The following NRXN3 variants were observed in gnomAD, a reference collection of about 807,000 sequenced individuals.
The protein encoded by NRXN3 is neurexin III.
NRXN3 carries 32 observed loss-of-function variants against 137.6 expected under a neutral mutation model. That is an observed-to-expected ratio of 0.23 (90% CI 0.18 to 0.31). NRXN3 has a LOEUF of 0.31. Among genes scored for constraint, NRXN3 ranks in the 10% least tolerant of loss-of-function variants. NRXN3 has a pLI of 1.00. For missense variants in NRXN3, 1,574 were observed against 2,062.5 expected, an observed-to-expected ratio of 0.76 and a Z score of 4.59; for synonymous variants, 798 against 784.5, an observed-to-expected ratio of 1.02 and a Z score of -0.29.
chr14:78,599,356 G>C (rs955249670), intron 4 of NRXN3, among the ~76,000 whole-genome samples: 1 of 152,216 alleles, frequency 6.6e-6, no homozygotes, highest in Non-Finnish European at 1.5e-5. Flanking sequence ...ATGCTTTATA[G>C]CGTGTTGCAT....
intron 15 of NRXN3, among the ~76,000 whole-genome samples, chr14:79,222,505 G>A (rs531245219): frequency 2.4e-4 from 36 of 152,056 alleles, no homozygotes; most frequent in African/African-American, 8.0e-4. Context: ...AGATTTTTGT[G>A]TGAATATAAG....
chr14:79,621,450 C>T lies in NRXN3; in HGVS notation c.3445-42328C>T, dbSNP rs73327943. ...GGAGAAAAGTGATAACTTTATGAGT[C>T]CTTTGCCAGACATAAGTGATAGGGT... On this transcript the variant is annotated intron_variant, in intron 16 of 20. Coordinates refer to ENST00000335750, the MANE Select transcript of NRXN3 (RefSeq NM_001330195.2). 2.4e-3 allele frequency among the ~76,000 whole-genome samples: 373 copies of T among 152,256 alleles called. 1 individual carries two copies. The highest frequency in any genetic ancestry group is 4.2e-3 in the Non-Finnish European group (289 of 68,006).
At chr14:79,654,342 C>A (rs927901625) in intron 16 of NRXN3, among the ~76,000 whole-genome samples, 10 of 151,202 alleles carry the variant, frequency 6.6e-5, no homozygotes, top group Non-Finnish European at 1.5e-4. Context: ...AAAAAAAAAA[C>A]TTAAAAAAAA....
intron 16 of NRXN3, among the ~76,000 whole-genome samples, chr14:79,552,113 A>G (rs1211855548): frequency 6.6e-6 from 1 of 152,198 alleles, no homozygotes; most frequent in Admixed American, 6.5e-5. Context: ...TGTATTTACA[A>G]ATACACATTG....
At chr14:79,618,626 C>A in intron 16 of NRXN3, among the ~76,000 whole-genome samples, 1 of 152,132 alleles carries the variant, frequency 6.6e-6, no homozygotes, top group South Asian at 2.1e-4. Context: ...GATTCTATGT[C>A]TTTGCTATTG....
intron 15 of NRXN3, among the ~76,000 whole-genome samples, chr14:79,054,548 G>T (rs1484278106): frequency 6.6e-6 from 1 of 152,178 alleles, no homozygotes; most frequent in Admixed American, 6.5e-5. Context: ...CTCTGTGCAA[G>T]GAGTCCTACT....
At chr14:79,435,628 AC>A (rs1395515713) in intron 15 of NRXN3, among the ~76,000 whole-genome samples, 3 of 151,300 alleles carry the variant, frequency 2.0e-5, no homozygotes, top group African/African-American at 7.3e-5. Flanking sequence ...ACACACACAC[AC>A]ATACATTCTT....
rs757712972 is a variant in NRXN3 at position 79,276,709 on chromosome 14, T to TAA, written c.3263-190495_3263-190494dup. Among the ~76,000 whole-genome samples, 753 of 122,026 alleles carry TAA rather than the reference T, an allele frequency of 6.2e-3. 8 individuals are homozygous for TAA. The highest frequency in any genetic ancestry group is 0.021 in the African/African-American group (701 of 32,832). 80.1% of individuals were successfully genotyped at this position (122,026 alleles called of 152,430 possible). A position where few individuals can be genotyped will look rare whatever the true frequency, so the allele number is the denominator to read the frequency against. ...GCAGTCTCCAATGCTCAATGCCAAT[T>TAA]AAAAAAAAAAAAAAAAAAGAAAAAC... On this transcript the variant is annotated intron_variant, in intron 15 of 20. Transcript: ENST00000335750.
At chr14:78,733,053 G>A (rs2098523949) in intron 8 of NRXN3, among the ~76,000 whole-genome samples, 1 of 152,056 alleles carries the variant, frequency 6.6e-6, no homozygotes, top group Non-Finnish European at 1.5e-5. Flanking sequence ...TCCATTCTTT[G>A]TAACACCTGG....
intron 4 of NRXN3, among the ~76,000 whole-genome samples, chr14:78,621,745 G>A (rs945544737): frequency 5.3e-5 from 8 of 152,168 alleles, no homozygotes; most frequent in African/African-American, 1.9e-4. Context: ...ATGTGTTTCG[G>A]TTGATGTATT....
intron 15 of NRXN3, among the ~76,000 whole-genome samples, chr14:79,260,301 G>A (rs1442844136): frequency 1.3e-5 from 2 of 152,080 alleles, no homozygotes; most frequent in African/African-American, 2.4e-5. Flanking sequence ...CTAAAACTGA[G>A]TAGTGTTTTA....
At chr14:79,409,211 C>T (rs1036476879) in intron 15 of NRXN3, among the ~76,000 whole-genome samples, 2 of 151,816 alleles carry the variant, frequency 1.3e-5, no homozygotes, top group Non-Finnish European at 2.9e-5. Flanking sequence ...AACAGGAGCT[C>T]AGGGTAGCAT....
intron 15 of NRXN3, among the ~76,000 whole-genome samples, chr14:79,198,588 G>A (rs1478036108): frequency 6.6e-6 from 1 of 152,164 alleles, no homozygotes; most frequent in Non-Finnish European, 1.5e-5. Flanking sequence ...AAAAAGTTAA[G>A]GGAACCAAAG....
intron 15 of NRXN3, among the ~76,000 whole-genome samples, chr14:79,360,347 C>T (rs1376801071): frequency 2.0e-5 from 3 of 152,166 alleles, no homozygotes; most frequent in Non-Finnish European, 2.9e-5. Context: ...TCAGGTGGTC[C>T]GCCTACCTTG....
At chr14:78,481,263 A>G (rs1310984841) in intron 4 of NRXN3, among the ~76,000 whole-genome samples, 1 of 152,242 alleles carries the variant, frequency 6.6e-6, no homozygotes, top group Non-Finnish European at 1.5e-5. Flanking sequence ...ACGCTGTGCA[A>G]AATGAGTCTT....
intron 15 of NRXN3, among the ~76,000 whole-genome samples, chr14:79,332,286 C>T (rs886810556): frequency 6.6e-6 from 1 of 152,186 alleles, no homozygotes; most frequent in African/African-American, 2.4e-5. Context: ...ACTGGTTTGC[C>T]TGCCTTTGAT....
chr14:78,999,499 C>A (rs1447591261), intron 15 of NRXN3, among the ~76,000 whole-genome samples: 1 of 152,230 alleles, frequency 6.6e-6, no homozygotes, highest in Non-Finnish European at 1.5e-5. Context: ...GCTTTCTTTT[C>A]ATGAAAAGAA....
intron 4 of NRXN3, among the ~76,000 whole-genome samples, chr14:78,590,806 T>C (rs2097109315): frequency 6.6e-6 from 1 of 152,120 alleles, no homozygotes; most frequent in African/African-American, 2.4e-5. Context: ...TTCCAGCTAC[T>C]CGGGAAGCTG....
At chr14:79,315,106 A>T (rs1407998946) in intron 15 of NRXN3, among the ~76,000 whole-genome samples, 1 of 152,092 alleles carries the variant, frequency 6.6e-6, no homozygotes, top group Non-Finnish European at 1.5e-5. Context: ...AATTTCCCTC[A>T]TTGTACTTCT....
Sources: gnomAD v4.1 joint callset for allele counts (sites outside exome capture counted in the v4.1 genomes callset) on GRCh38, gnomAD v4.1.1 for gene constraint, MANE v1.5 for transcripts, NCBI Gene and HGNC (gene_info 2026-07-23, HGNC 2026-07-21) for gene names.